MAGT1: variants seen among roughly 807,000 people sequenced by gnomAD.
MAGT1 encodes the protein magnesium transporter 1.
A neutral mutation model predicts 28.4 loss-of-function variants in MAGT1; 4 were observed. That is an observed-to-expected ratio of 0.14 (90% CI 0.07 to 0.32). MAGT1 has a LOEUF of 0.32. Ranked by LOEUF, MAGT1 falls within the 10% of genes least tolerant of loss-of-function variation. MAGT1 has a pLI of 1.00. For synonymous variants in MAGT1, 89 were observed against 89.7 expected, an observed-to-expected ratio of 0.99 and a Z score of 0.04; for missense variants, 193 against 264.5, an observed-to-expected ratio of 0.73 and a Z score of 1.88.
Position 77,874,175 on chromosome X carries a change from G to A in MAGT1, c.272+1253C>T, listed in dbSNP as rs1400794558. On this transcript the variant is annotated intron_variant, in intron 2 of 9. Transcript: ENST00000618282. ...TTTTGTTTATTTTTATAGATACAAAGTTTCACTATGTTGCCCAGGCTGGTC... is the reference window on the plus strand; with the variant it reads ...TTTTGTTTATTTTTATAGATACAAAATTTCACTATGTTGCCCAGGCTGGTC... Among the ~76,000 whole-genome samples, 3 of 107,191 alleles carry A rather than the reference G, an allele frequency of 2.8e-5. No homozygotes were observed. The East Asian group carries it at 8.9e-4, about 32-fold the overall frequency. 93.1% of individuals were successfully genotyped at this position (107,191 alleles called of 115,157 possible).
At chrX:77,895,464 T>G, upstream of MAGT1, 6 of 1,192,102 alleles carry the variant, frequency 5.0e-6, no homozygotes, top group Non-Finnish European at 6.8e-6. Flanking sequence ...GGTCTGAGGG[T>G]GGGGCGTGAG....
chrX:77,888,074 T>C (rs782602859), intron 1 of MAGT1, among the ~76,000 whole-genome samples: 2 of 112,018 alleles, frequency 1.8e-5, no homozygotes, highest in Non-Finnish European at 3.8e-5. Context: ...CCTCCCAAAG[T>C]GCTGTGATTA....
upstream of MAGT1, chrX:77,895,440 C>T (rs182757967): frequency 6.6e-4 from 795 of 1,204,182 alleles, 2 homozygotes; most frequent in Non-Finnish European, 7.1e-4. Flanking sequence ...ATAAGTGAAA[C>T]TTTGCTCCGG....
chrX:77,859,484 TC>T (rs2076989489), intron 3 of MAGT1, among the ~76,000 whole-genome samples: 1 of 112,272 alleles, frequency 8.9e-6, no homozygotes, highest in Non-Finnish European at 1.9e-5. Context: ...GCAGTGAACA[TC>T]CTTGCACATA....
At chrX:77,871,808 C>T (rs1365613939) in intron 2 of MAGT1, among the ~76,000 whole-genome samples, 1 of 110,021 alleles carries the variant, frequency 9.1e-6, no homozygotes, top group Non-Finnish European at 1.9e-5. Context: ...CACCACTGCA[C>T]TCCAGCCTGG....
chrX:77,888,403 C>CA (rs1188831740), intron 1 of MAGT1, among the ~76,000 whole-genome samples: 2 of 110,117 alleles, frequency 1.8e-5, no homozygotes, highest in African/African-American at 6.6e-5. Context: ...CTAGTATGTC[C>CA]AAAAAAAATC....
intron 5 of MAGT1, 171 bp downstream of exon 5, chrX:77,856,562 T>G: frequency 1.7e-4 from 81 of 471,307 alleles, no homozygotes; most frequent in East Asian, 4.0e-4. Context: ...GCCATCCTTA[T>G]GAGATAATGA....
intron 8 of MAGT1, among the ~76,000 whole-genome samples, chrX:77,836,042 A>C (rs2076916776): frequency 9.0e-6 from 1 of 111,280 alleles, no homozygotes; most frequent in Admixed American, 9.7e-5. Flanking sequence ...GACCTCAAAT[A>C]ATCTGCCCCA....
chrX:77,852,337 A>G (rs1459221904), intron 7 of MAGT1, among the ~76,000 whole-genome samples: 1 of 112,419 alleles, frequency 8.9e-6, no homozygotes, highest in African/African-American at 3.2e-5. Context: ...ATAGTGCATA[A>G]GAACATTTTC....
chrX:77,862,512 T>G (rs1341004334), intron 3 of MAGT1, among the ~76,000 whole-genome samples: 1 of 109,036 alleles, frequency 9.2e-6, no homozygotes, highest in Non-Finnish European at 1.9e-5. Context: ...AAAAAGAAAA[T>G]AAAACAAAAA....
chrX:77,843,523 A>C (rs1218515650), intron 7 of MAGT1, among the ~76,000 whole-genome samples: 1 of 111,284 alleles, frequency 9.0e-6, no homozygotes, highest in African/African-American at 3.3e-5. Flanking sequence ...GGCGTGAACC[A>C]ATGTGCCTGT....
chrX:77,841,849 TA>T (rs1487569693), intron 7 of MAGT1, among the ~76,000 whole-genome samples: 1 of 78,288 alleles, frequency 1.3e-5, no homozygotes, highest in Non-Finnish European at 2.7e-5. Flanking sequence ...TTAAATTCTG[TA>T]ATTTTTTTTT....
intron 3 of MAGT1, among the ~76,000 whole-genome samples, chrX:77,860,387 C>T (rs1407297793): frequency 9.0e-6 from 1 of 111,411 alleles, no homozygotes; most frequent in Non-Finnish European, 1.9e-5. Context: ...CATGCCCGGC[C>T]TGAAAACATC....
chrX:77,846,565 T>G (rs1307835302), intron 7 of MAGT1, among the ~76,000 whole-genome samples: 3 of 112,171 alleles, frequency 2.7e-5, no homozygotes, highest in Non-Finnish European at 5.6e-5. Flanking sequence ...TTTGTGGTTT[T>G]ATCTACCTTT....
At chrX:77,856,020 G>A (rs1204539871) in intron 5 of MAGT1, among the ~76,000 whole-genome samples, 5 of 110,377 alleles carry the variant, frequency 4.5e-5, no homozygotes, top group Admixed American at 9.8e-5. Flanking sequence ...TGCCCACCTC[G>A]GCCTCCCAAA....
intron 6 of MAGT1, among the ~76,000 whole-genome samples, chrX:77,855,104 G>C (rs1187904010): frequency 9.0e-6 from 1 of 111,118 alleles, no homozygotes; most frequent in Non-Finnish European, 1.9e-5. Context: ...ACCTGAGGTA[G>C]GGAGTTTGAG....
At chrX:77,832,044 A>G (rs1319935072) in intron 8 of MAGT1, among the ~76,000 whole-genome samples, 1 of 111,959 alleles carries the variant, frequency 8.9e-6, no homozygotes, top group Non-Finnish European at 1.9e-5. Flanking sequence ...ATGTAACTCA[A>G]TAAACATGGA....
At chrX:77,837,691 T>A (rs1359021611) in intron 8 of MAGT1, among the ~76,000 whole-genome samples, 2 of 112,423 alleles carry the variant, frequency 1.8e-5, no homozygotes, top group Non-Finnish European at 3.8e-5. Flanking sequence ...GAAGTTAAAG[T>A]AAATATTAGA....
intron 1 of MAGT1, among the ~76,000 whole-genome samples, chrX:77,884,363 C>T (rs1004611669): frequency 4.5e-5 from 5 of 111,268 alleles, no homozygotes; most frequent in Non-Finnish European, 7.5e-5. Context: ...GAATGTCTAG[C>T]GGGTGTCAGG....
Sources: allele counts gnomAD v4.1 joint callset (sites outside exome capture counted in the v4.1 genomes callset), GRCh38; gene constraint gnomAD v4.1.1; transcripts MANE v1.5; gene names NCBI Gene and HGNC (gene_info 2026-07-23, HGNC 2026-07-21).